Variants in ADD2 observed in about 807,000 individuals in gnomAD.
ADD2 encodes beta-adducin.
In ADD2, 23 loss-of-function variants were observed where a neutral mutation model predicts 83.0. The ratio of observed to expected loss-of-function variants is 0.28; its 90% CI spans 0.20 to 0.39. ADD2 has a LOEUF of 0.39. ADD2 is among the 10% of genes least tolerant of loss of function. The pLI, the probability that ADD2 is intolerant of heterozygous loss-of-function variation, is 1.00. For synonymous variants in ADD2, 375 were observed against 375.4 expected (o/e 1.00, Z 0.01); for missense variants, 758 against 944.9 (o/e 0.80, Z 2.59).
chr2:70,710,567 C>T (rs1192165971), intron 2 of ADD2, among the ~76,000 whole-genome samples: 1 of 152,224 alleles, frequency 6.6e-6, no homozygotes, highest in Non-Finnish European at 1.5e-5. Flanking sequence ...TGAGCCAACC[C>T]TTTGGCTTTG....
At chr2:70,711,846 T>C (rs563938515) in intron 2 of ADD2, among the ~76,000 whole-genome samples, 6 of 152,324 alleles carry the variant, frequency 3.9e-5, no homozygotes, top group East Asian at 1.9e-4. Context: ...AGAGGGGTCA[T>C]GGGAACTCCT....
intron 10 of ADD2, 95 bp from the exon 11 acceptor site, chr2:70,679,056 A>G (rs554773813): frequency 5.8e-5 from 83 of 1,420,852 alleles, no homozygotes; most frequent in East Asian, 2.3e-4. Flanking sequence ...GTCTGCTTAA[A>G]GGACTCTTCA....
chr2:70,673,259 G>T (rs782199380), intron 14 of ADD2: 1 of 1,614,070 alleles, frequency 6.2e-7, no homozygotes, highest in Admixed American at 1.7e-5. Context: ...TACTCCAGAT[G>T]TGGAGGGCAA....
intron 1 of ADD2, among the ~76,000 whole-genome samples, chr2:70,726,019 C>G (rs1435510766): frequency 2.0e-5 from 3 of 151,590 alleles, no homozygotes; most frequent in African/African-American, 7.3e-5. Context: ...AACCCCGTCT[C>G]TACTAAAAAT....
chr2:70,704,275 C>T, intron 4 of ADD2, 46 bp downstream of exon 4: 2 of 1,410,218 alleles, frequency 1.4e-6, no homozygotes, highest in Non-Finnish European at 9.6e-7. Flanking sequence ...CCCACCCCAC[C>T]CTCCCCTCCA....
intron 1 of ADD2, chr2:70,760,541 T>G (rs1371922786): frequency 2.0e-5 from 3 of 152,222 alleles, no homozygotes; most frequent in Non-Finnish European, 4.4e-5. Context: ...ACAAGTCTGA[T>G]GTACTTTGTT....
At chr2:70,713,973 A>G (rs572933828) in intron 1 of ADD2, among the ~76,000 whole-genome samples, 13 of 152,008 alleles carry the variant, frequency 8.6e-5, no homozygotes, top group African/African-American at 7.2e-5. Context: ...CAGGCTGTCC[A>G]TGGGTGAATT....
chr2:70,680,657 C>T (rs1263766853), intron 10 of ADD2, among the ~76,000 whole-genome samples: 1 of 152,154 alleles, frequency 6.6e-6, no homozygotes, highest in Non-Finnish European at 1.5e-5. Context: ...TCACTGACTT[C>T]AGGTTTTCTC....
intron 4 of ADD2, among the ~76,000 whole-genome samples, chr2:70,703,276 G>A (rs1553373772): frequency 6.6e-6 from 1 of 152,146 alleles, no homozygotes; most frequent in Admixed American, 6.5e-5. Context: ...ATATGTATGT[G>A]AAAATACATT....
At chr2:70,738,299 T>C (rs1049697401) in intron 1 of ADD2, among the ~76,000 whole-genome samples, 1 of 152,066 alleles carries the variant, frequency 6.6e-6, no homozygotes, top group Non-Finnish European at 1.5e-5. Flanking sequence ...CAAAATTAGA[T>C]CATAACACAT....
At chr2:70,736,386 A>T (rs1290575417) in intron 1 of ADD2, among the ~76,000 whole-genome samples, 2 of 152,228 alleles carry the variant, frequency 1.3e-5, no homozygotes, top group Non-Finnish European at 2.9e-5. Context: ...TCTGGATATG[A>T]CTTCTCACAT....
chr2:70,663,526 G>C lies in ADD2; in HGVS notation c.2080C>G (p.Pro694Ala), dbSNP rs915495246. Residue 694 changes from proline (P) to alanine (A), a missense_variant, in exon 16 of 16, where the codon CCA (proline) becomes GCA (alanine). Coordinates refer to ENST00000264436, the MANE Select transcript of ADD2 (RefSeq NM_001617.4). ...GGAGACTTGGAAGGTGAGCCCTCTG[G>C]GGACATGGGGCCGCTGGTGACCGAC... ...TESVTSGPMS[P>A]EGSPSKSPSK... The C allele has an allele frequency of 3.7e-5, 60 of 1,613,936 alleles. No homozygotes were observed. Among genetic ancestry groups the C allele is most frequent in the Non-Finnish European group, 5.0e-5 (59 of 1,180,016 alleles).
chr2:70,688,244 T>C (rs1553370901), intron 8 of ADD2, 122 bp from the exon 9 acceptor site: 3 of 681,830 alleles, frequency 4.4e-6, no homozygotes, highest in Non-Finnish European at 7.5e-6. Context: ...TTCTCCCAAC[T>C]CCTTATGTTC....
At chr2:70,701,776 TTAAAA>T (rs1386090846) in intron 4 of ADD2, among the ~76,000 whole-genome samples, 1 of 152,128 alleles carries the variant, frequency 6.6e-6, no homozygotes, top group Non-Finnish European at 1.5e-5. Flanking sequence ...AAAGATTCAC[TTAAAA>T]TAACAAAGTT....
At position 70,663,369 on chromosome 2, in the gene ADD2, G is replaced by C; in HGVS notation, c.*56C>G. On this transcript the variant is annotated 3_prime_UTR_variant, in exon 16 of 16. Transcript: ENST00000264436. ...CCTGTGCTTGCAGGGACAGAGATGG[G>C]AGAAGGGAAGGGGAGGAGAGAGAGG... 6.5e-7 allele frequency: 1 copy of C among 1,531,740 alleles called. No homozygotes were observed. Among genetic ancestry groups the C allele is most frequent in the Non-Finnish European group, 8.9e-7 (1 of 1,123,798 alleles). 94.9% of individuals were successfully genotyped at this position (1,531,740 alleles called of 1,614,324 possible).
intron 4 of ADD2, among the ~76,000 whole-genome samples, chr2:70,703,008 C>A (rs539436561): frequency 1.3e-5 from 2 of 152,074 alleles, no homozygotes; most frequent in Non-Finnish European, 2.9e-5. Flanking sequence ...TGCCCGTGGT[C>A]CCAGCTACTT....
chr2:70,695,168 T>G (rs560272507), intron 6 of ADD2, among the ~76,000 whole-genome samples: 1 of 152,156 alleles, frequency 6.6e-6, no homozygotes, highest in South Asian at 2.1e-4. Context: ...GTACATGGCA[T>G]AGCAGCCACA....
chr2:70,734,145 A>C (rs17006266), intron 1 of ADD2, among the ~76,000 whole-genome samples: 5,774 of 152,264 alleles, frequency 0.038, 368 homozygotes, highest in African/African-American at 0.13. Flanking sequence ...TAATGGCTCA[A>C]ACCAACCATC....
chr2:70,693,659 C>T (rs1427552563), intron 6 of ADD2, among the ~76,000 whole-genome samples: 2 of 152,212 alleles, frequency 1.3e-5, no homozygotes, highest in African/African-American at 4.8e-5. Flanking sequence ...CTAAAAGCTG[C>T]AGCAACTCTC....
Sources: gnomAD v4.1 joint callset for allele counts (sites outside exome capture counted in the v4.1 genomes callset) on GRCh38, gnomAD v4.1.1 for gene constraint, MANE v1.5 for transcripts, NCBI Gene and HGNC (gene_info 2026-07-23, HGNC 2026-07-21) for gene names.